PRKG1: variants seen among roughly 807,000 people sequenced by gnomAD.
The protein encoded by PRKG1 is protein kinase cGMP-dependent 1, also known as cGMP-dependent protein kinase 1.
In PRKG1, 35 loss-of-function variants were observed where a neutral mutation model predicts 88.1. That is an observed-to-expected ratio of 0.40 (90% CI 0.30 to 0.53). The LOEUF is 0.53. Ranked by LOEUF, PRKG1 falls within the 20% of genes least tolerant of loss-of-function variation. The pLI, the probability that PRKG1 is intolerant of heterozygous loss-of-function variation, is 0.59. For synonymous variants in PRKG1, 303 were observed against 292.5 expected (o/e 1.04, Z -0.37); for missense variants, 540 against 839.8 (o/e 0.64, Z 4.41).
At chr10:51,222,185 C>G (rs1838559360) in intron 2 of PRKG1, among the ~76,000 whole-genome samples, 1 of 151,328 alleles carries the variant, frequency 6.6e-6, no homozygotes, top group South Asian at 2.1e-4. Flanking sequence ...CGCGCCCAGC[C>G]TGTTTCATAT....
At chr10:51,308,127 C>G (rs1251050665) in intron 2 of PRKG1, among the ~76,000 whole-genome samples, 1 of 152,180 alleles carries the variant, frequency 6.6e-6, no homozygotes, top group African/African-American at 2.4e-5. Flanking sequence ...TTTGCTACAT[C>G]TCAGAACTTG....
chr10:51,664,301 C>T (rs1840370844), intron 3 of PRKG1, among the ~76,000 whole-genome samples: 1 of 152,108 alleles, frequency 6.6e-6, no homozygotes, highest in Non-Finnish European at 1.5e-5. Context: ...ATTTTTCTTT[C>T]TGTTGTTTGG....
intron 3 of PRKG1, among the ~76,000 whole-genome samples, chr10:51,614,882 T>C (rs571728020): frequency 1.3e-5 from 2 of 152,208 alleles, no homozygotes; most frequent in African/African-American, 4.8e-5. Flanking sequence ...TTTCTGATTA[T>C]AGTATTCTTG....
At chr10:51,234,666 G>T (rs1178241954) in intron 2 of PRKG1, among the ~76,000 whole-genome samples, 1 of 151,824 alleles carries the variant, frequency 6.6e-6, no homozygotes, top group Non-Finnish European at 1.5e-5. Context: ...AGCAGTAGCA[G>T]GAAATCTAGA....
chr10:52,113,269 T>C (rs1408933845), intron 7 of PRKG1, among the ~76,000 whole-genome samples: 3 of 152,224 alleles, frequency 2.0e-5, no homozygotes, highest in Non-Finnish European at 4.4e-5. Context: ...TATTAAACTA[T>C]AAATTTCTTG....
At chr10:51,435,012 T>G (rs1457740404) in intron 2 of PRKG1, among the ~76,000 whole-genome samples, 1 of 152,044 alleles carries the variant, frequency 6.6e-6, no homozygotes, top group African/African-American at 2.4e-5. Context: ...AAGAACATTT[T>G]AATCACCATA....
intron 4 of PRKG1, among the ~76,000 whole-genome samples, chr10:51,823,499 G>A (rs1040816475): frequency 6.6e-6 from 1 of 151,866 alleles, no homozygotes; most frequent in African/African-American, 2.4e-5. Flanking sequence ...CTCAGTGGAA[G>A]GGCATTTCTT....
intron 9 of PRKG1, among the ~76,000 whole-genome samples, chr10:52,187,557 C>A (rs1314068638): frequency 6.6e-6 from 1 of 152,144 alleles, no homozygotes; most frequent in Non-Finnish European, 1.5e-5. Context: ...ATTTGATAGT[C>A]TCTCCAAATC....
intron 3 of PRKG1, among the ~76,000 whole-genome samples, chr10:51,514,237 G>GA (rs1048585449): frequency 1.3e-5 from 2 of 151,654 alleles, no homozygotes; most frequent in African/African-American, 4.9e-5. Context: ...AAATAAACTA[G>GA]AAAATCTAGA....
chr10:51,438,531 G>A (rs7095080), intron 2 of PRKG1, among the ~76,000 whole-genome samples: 39,030 of 151,638 alleles, frequency 0.26, 5,783 homozygotes, highest in Non-Finnish European at 0.34. Flanking sequence ...AGGTTCTTCA[G>A]TTAAAATTTG....
At chr10:52,233,360 C>T (rs1309313306) in intron 9 of PRKG1, among the ~76,000 whole-genome samples, 2 of 151,484 alleles carry the variant, frequency 1.3e-5, no homozygotes, top group Non-Finnish European at 2.9e-5. Context: ...CCAGCGTGAG[C>T]GACGCAGAAG....
intron 9 of PRKG1, among the ~76,000 whole-genome samples, chr10:52,249,234 A>G (rs1439363146): frequency 6.6e-6 from 1 of 151,376 alleles, no homozygotes; most frequent in African/African-American, 2.4e-5. Context: ...CCTTCTTGCC[A>G]AAATGTCTCA....
At chr10:51,979,896 C>T (rs1252612800) in intron 5 of PRKG1, among the ~76,000 whole-genome samples, 1 of 151,850 alleles carries the variant, frequency 6.6e-6, no homozygotes, top group Non-Finnish European at 1.5e-5. Flanking sequence ...TTTTATTAGT[C>T]TAGCTAGCAG....
intron 5 of PRKG1, among the ~76,000 whole-genome samples, chr10:51,998,146 T>C (rs1295642845): frequency 1.3e-5 from 2 of 152,256 alleles, no homozygotes; most frequent in African/African-American, 4.8e-5. Context: ...ATCTACATTT[T>C]TTAAAAATAC....
rs76733577 is a variant in PRKG1, at chr10:51,254,939, T to C, written c.478+101609T>C. Among the ~76,000 whole-genome samples the C allele has an allele frequency of 9.6e-3, 1,461 of 152,134 alleles. 15 individuals carry two copies. Among genetic ancestry groups the C allele is most frequent in the Non-Finnish European group, 0.016 (1,060 of 67,960 alleles). ...GAAGGAAATGTAATTCAGGACAGAA[T>C]GCCCCAAATAATAACGTCGATTTTG... On this transcript the variant is annotated intron_variant, in intron 2 of 17. Coordinates refer to ENST00000373980, the MANE Select transcript of PRKG1 (RefSeq NM_006258.4).
intron 7 of PRKG1, among the ~76,000 whole-genome samples, chr10:52,133,263 C>T (rs771461270): frequency 6.6e-6 from 1 of 152,050 alleles, no homozygotes; most frequent in Non-Finnish European, 1.5e-5. Context: ...ACAATATTTA[C>T]ATGTTTCTAT....
At chr10:51,769,245 C>A (rs1838244811) in intron 3 of PRKG1, among the ~76,000 whole-genome samples, 1 of 152,148 alleles carries the variant, frequency 6.6e-6, no homozygotes, top group African/African-American at 2.4e-5. Flanking sequence ...CTGAATGATT[C>A]TTGTTCACAC....
chr10:51,836,272 T>A (rs1840128577), intron 4 of PRKG1, among the ~76,000 whole-genome samples: 1 of 152,080 alleles, frequency 6.6e-6, no homozygotes, highest in Non-Finnish European at 1.5e-5. Context: ...GAACACACAA[T>A]AGGGAAAGGG....
At chr10:51,903,973 T>C (rs1842033582) in intron 4 of PRKG1, among the ~76,000 whole-genome samples, 1 of 152,138 alleles carries the variant, frequency 6.6e-6, no homozygotes, top group Non-Finnish European at 1.5e-5. Context: ...ATATTATCTA[T>C]AAAACCCTTA....
Sources: allele counts gnomAD v4.1 joint callset (sites outside exome capture counted in the v4.1 genomes callset), GRCh38; gene constraint gnomAD v4.1.1; transcripts MANE v1.5; gene names NCBI Gene and HGNC (gene_info 2026-07-23, HGNC 2026-07-21).